KIAA2012: variants seen among roughly 807,000 people sequenced by gnomAD.
The protein encoded by KIAA2012 is uncharacterized protein KIAA2012.
A neutral mutation model predicts 150.6 loss-of-function variants in KIAA2012; 125 were observed. The ratio of observed to expected loss-of-function variants is 0.83; its 90% CI spans 0.72 to 0.96. The LOEUF (loss-of-function observed/expected upper bound fraction) is 0.96. Among genes scored for constraint, KIAA2012 ranks in the 40% least tolerant of loss-of-function variants. The pLI is 0.00. For missense variants in KIAA2012, 1,219 were observed against 1,354.9 expected (o/e 0.90, Z 1.57); for synonymous variants, 462 against 504.7 (o/e 0.92, Z 1.13).
Position 202,154,707 on chromosome 2 carries a change from A to G in KIAA2012, c.1943A>G (p.Lys648Arg), listed in dbSNP as rs775168439. ...AQQSLEAAAQ[K>R]TGEPQSCINK... ...CAGTCCTTGGAGGCAGCAGCTCAGA[A>G]GACAGGAGAGCCTCAAAGTTGTATA... Residue 648 changes from lysine (K) to arginine (R), a missense_variant, in exon 14 of 24, where the codon AAG becomes AGG. By Grantham distance (26) the Lys-to-Arg change is conservative. Coordinates refer to ENST00000498697, the MANE Select transcript of KIAA2012 (RefSeq NM_001277372.4). 6.5e-7 allele frequency: 1 copy of G among 1,549,632 alleles called. No individual in the cohort carries two copies. The highest frequency in any genetic ancestry group is 1.2e-5 in the South Asian group (1 of 83,774).
chr2:202,132,805 T>A (rs1320407171), intron 12 of KIAA2012, among the ~76,000 whole-genome samples: 31 of 103,540 alleles, frequency 3.0e-4, no homozygotes, highest in South Asian at 9.0e-4. Context: ...TATATATATT[T>A]TTTTTTTCAG....
chr2:202,187,234 C>G, intron 17 of KIAA2012, 136 bp downstream of exon 17: 2 of 908,186 alleles, frequency 2.2e-6, no homozygotes, highest in Non-Finnish European at 3.2e-6. Flanking sequence ...GAGGTCCAGC[C>G]TGTGGTCTGC....
chr2:202,164,262 G>A (rs1393658751), intron 14 of KIAA2012, among the ~76,000 whole-genome samples: 1 of 152,112 alleles, frequency 6.6e-6, no homozygotes, highest in East Asian at 1.9e-4. Context: ...TGGCACTGAG[G>A]AGCTGCTCTT....
intron 15 of KIAA2012, among the ~76,000 whole-genome samples, chr2:202,171,239 T>C (rs1489398954): frequency 6.6e-6 from 1 of 151,054 alleles, no homozygotes. Context: ...ACTAGAGAAA[T>C]ATGAATGAAA....
intron 9 of KIAA2012, among the ~76,000 whole-genome samples, chr2:202,107,771 A>T (rs1265128050): frequency 6.6e-6 from 1 of 152,166 alleles, no homozygotes; most frequent in African/African-American, 2.4e-5. Flanking sequence ...GCACTTCGGG[A>T]GGCCAAGGCG....
rs1692315590 is a variant in KIAA2012, at chr2:202,190,793, T to C, written c.2811+300T>C. 2.0e-5 allele frequency among the ~76,000 whole-genome samples: 3 copies of C among 152,072 alleles called. No homozygotes were observed. The South Asian group carries it at 6.2e-4, about 32-fold the overall frequency. ...GATCACAGCACCCATCTCTGAGAGG[T>C]GCAGGACTCATGGTTACAGGGAAAG... On this transcript the variant is annotated intron_variant, in intron 19 of 23. Coordinates refer to ENST00000498697, the MANE Select transcript of KIAA2012 (RefSeq NM_001277372.4).
chr2:202,146,589 G>A (rs142043905), intron 13 of KIAA2012, among the ~76,000 whole-genome samples: 5 of 144,846 alleles, frequency 3.5e-5, no homozygotes, highest in South Asian at 2.2e-4. Flanking sequence ...CTGAGATTGC[G>A]CCACTGCACT....
chr2:202,150,446 TTGTTTTTTG>T, intron 13 of KIAA2012, among the ~76,000 whole-genome samples: 1 of 144,614 alleles, frequency 6.9e-6, no homozygotes, highest in East Asian at 2.3e-4. Context: ...TTTTTGTTTT[TTGTTTTTTG>T]TGTTTTTTTT....
chr2:202,144,819 A>G (rs2049190), intron 13 of KIAA2012, among the ~76,000 whole-genome samples: 101,687 of 152,170 alleles, frequency 0.67, 34,429 homozygotes, highest in African/African-American at 0.77. Context: ...AAGTGAAACT[A>G]AACCTGTCAT....
At chr2:202,154,244 C>T (rs1413814420) in intron 13 of KIAA2012, among the ~76,000 whole-genome samples, 2 of 152,222 alleles carry the variant, frequency 1.3e-5, no homozygotes, top group Non-Finnish European at 2.9e-5. Flanking sequence ...ACCATTCAGC[C>T]ACTATATAAG....
intron 18 of KIAA2012, 113 bp downstream of exon 18, chr2:202,188,379 TC>T: frequency 1.3e-6 from 1 of 775,682 alleles, no homozygotes; most frequent in African/African-American, 1.7e-5. Flanking sequence ...TTTTGAGACT[TC>T]TTGACTACTA....
intron 23 of KIAA2012, among the ~76,000 whole-genome samples, chr2:202,204,635 C>T (rs543755615): frequency 2.0e-5 from 3 of 152,162 alleles, no homozygotes; most frequent in African/African-American, 4.8e-5. Context: ...TTGCTTTCTA[C>T]AGAAATTACA....
At position 202,194,258 on chromosome 2, in the gene KIAA2012, G is replaced by A. The variant is rs990960272; in HGVS notation, c.3083G>A (p.Arg1028Gln). The A allele has an allele frequency of 5.8e-5, 90 of 1,550,450 alleles. No homozygotes were observed. The highest frequency in any genetic ancestry group is 6.7e-5 in the Non-Finnish European group (77 of 1,147,008). Residue 1028 changes from arginine to glutamine, a missense_variant, in exon 21 of 24, where the codon CGG becomes CAG. Physicochemically the swap from Arg to Gln is conservative, Grantham distance 43. Coordinates refer to ENST00000498697, the MANE Select transcript of KIAA2012 (RefSeq NM_001277372.4). ...QEEEERKQQL[R>Q]LKAAQERARQ... The stretch of plus-strand genomic sequence containing the variant: ...GAGGAGGAGAGAAAGCAGCAGCTCC[G>A]GTTGAAAGCAGCCCAGGAGAGAGCC...
At chr2:202,156,470 C>A (rs888153732) in intron 14 of KIAA2012, among the ~76,000 whole-genome samples, 1 of 152,096 alleles carries the variant, frequency 6.6e-6, no homozygotes, top group Non-Finnish European at 1.5e-5. Flanking sequence ...AGTTTCTGGG[C>A]ATTTGGGATA....
intron 18 of KIAA2012, 96 bp downstream of exon 18, chr2:202,188,362 C>A: frequency 1.0e-6 from 1 of 984,388 alleles, no homozygotes; most frequent in Non-Finnish European, 1.5e-6. Context: ...ACCGGACAAA[C>A]TCTCTGTTTT....
intron 15 of KIAA2012, chr2:202,179,312 G>C (rs1285608807): frequency 8.3e-7 from 1 of 1,199,492 alleles, no homozygotes. Flanking sequence ...AGCGCGGTAC[G>C]GCTTTTCGCT....
intron 13 of KIAA2012, among the ~76,000 whole-genome samples, chr2:202,140,023 T>A (rs1456240842): frequency 6.6e-6 from 1 of 150,934 alleles, no homozygotes; most frequent in Non-Finnish European, 1.5e-5. Flanking sequence ...AGGTCAGGAG[T>A]TCAAGACCAG....
intron 3 of KIAA2012, 135 bp from the exon 4 acceptor site, chr2:202,092,895 C>T: frequency 1.4e-6 from 1 of 704,958 alleles, no homozygotes; most frequent in Non-Finnish European, 2.3e-6. Context: ...TAATCTCCCT[C>T]ATCTTCTAAT....
At chr2:202,148,865 T>C (rs961424415) in intron 13 of KIAA2012, among the ~76,000 whole-genome samples, 1 of 152,114 alleles carries the variant, frequency 6.6e-6, no homozygotes, top group Middle Eastern at 3.2e-3. Context: ...TGACAATGTA[T>C]ACAACGCCCG....
Sources: gnomAD v4.1 joint callset for allele counts (sites outside exome capture counted in the v4.1 genomes callset) on GRCh38, gnomAD v4.1.1 for gene constraint, MANE v1.5 for transcripts, NCBI Gene and HGNC (gene_info 2026-07-23, HGNC 2026-07-21) for gene names.